The following SMARCA2 variants were observed in gnomAD, a reference collection of about 807,000 sequenced individuals.
The protein encoded by SMARCA2 is SWI/SNF related BAF chromatin remodeling complex subunit ATPase 2.
A neutral mutation model predicts 199.8 loss-of-function variants in SMARCA2; 61 were observed. That is an observed-to-expected ratio of 0.31 (90% confidence interval 0.25 to 0.38). SMARCA2 has a LOEUF of 0.38. SMARCA2 is among the 10% of genes least tolerant of loss of function. The pLI is 1.00. For synonymous variants in SMARCA2, 935 were observed against 732.0 expected (o/e 1.28, Z -4.48); for missense variants, 1,344 against 2,012.2 (o/e 0.67, Z 6.35).
chr9:2,097,109 C>A lies in SMARCA2; in HGVS notation c.2992-276C>A, dbSNP rs1170566666. On this transcript the variant is annotated intron_variant, in intron 20 of 33. Transcript: ENST00000349721. ...TTCTGTGCTTCTGTGTTCCGGAGTC[C>A]TACGGAATAGACAGTCATGTCGCAA... is the stretch of plus-strand genomic sequence containing the variant. 11 of 487,156 alleles carry A rather than the reference C, an allele frequency of 2.3e-5. No individual in the cohort carries two copies. In the East Asian group the frequency reaches 3.4e-4, roughly 15 times the overall value. 30.2% of individuals were successfully genotyped at this position (487,156 alleles called of 1,614,324 possible).
chr9:2,103,163 C>T (rs1822601996), intron 22 of SMARCA2, among the ~76,000 whole-genome samples: 1 of 152,044 alleles, frequency 6.6e-6, no homozygotes, highest in African/African-American at 2.4e-5. Flanking sequence ...CACTCTAAAC[C>T]AGTGGTTGGC....
chr9:2,186,921 C>G (rs1459207687), intron 32 of SMARCA2, among the ~76,000 whole-genome samples: 1 of 152,212 alleles, frequency 6.6e-6, no homozygotes, highest in African/African-American at 2.4e-5. Flanking sequence ...TTCTTTACCA[C>G]GGTGGTTCTC....
chr9:2,176,886 C>G (rs1211880466), intron 29 of SMARCA2, among the ~76,000 whole-genome samples: 1 of 152,116 alleles, frequency 6.6e-6, no homozygotes, highest in Non-Finnish European at 1.5e-5. Context: ...GCTACTGATT[C>G]CATGACCCAA....
intron 4 of SMARCA2, chr9:2,040,169 G>GA: frequency 2.9e-6 from 2 of 678,880 alleles, no homozygotes; most frequent in Non-Finnish European, 4.8e-6. Context: ...CGTTCTCTTT[G>GA]AAGCGGTTCA....
chr9:2,109,181 A>C (rs1234623696), intron 23 of SMARCA2, among the ~76,000 whole-genome samples: 3 of 152,352 alleles, frequency 2.0e-5, no homozygotes, highest in African/African-American at 7.2e-5. Context: ...CATCCTTAAA[A>C]AATGAACAGC....
At chr9:2,062,100 A>AG (rs1820619653) in intron 9 of SMARCA2, among the ~76,000 whole-genome samples, 2 of 152,196 alleles carry the variant, frequency 1.3e-5, no homozygotes, top group African/African-American at 4.8e-5. Context: ...CATATACGTA[A>AG]GGGGGGAGGG....
chr9:2,160,725 G>C (rs73393341), intron 27 of SMARCA2: 14,373 of 521,082 alleles, frequency 0.028, 282 homozygotes, highest in African/African-American at 0.058. Context: ...AACAACATTA[G>C]TTATTTTGTG....
At chr9:2,182,808 T>TC (rs1395299997) in intron 31 of SMARCA2, among the ~76,000 whole-genome samples, 2 of 148,608 alleles carry the variant, frequency 1.3e-5, no homozygotes, top group Admixed American at 1.3e-4. Flanking sequence ...AAGCATATAT[T>TC]TTTTTTTCGA....
Position 2,056,266 on chromosome 9 carries a change from A to T in SMARCA2, c.1174-406A>T, listed in dbSNP as rs549592700. On this transcript the variant is annotated intron_variant, in intron 6 of 33. Coordinates refer to ENST00000349721, the MANE Select transcript of SMARCA2 (RefSeq NM_003070.5). The surrounding 1 kb of genome is among the most constrained non-coding windows in gnomAD (Gnocchi z 4.0). ...AATTCTTTTATTCTTTTTTTGGAGC[A>T]TCATTAAAATTAATCTTTAAACACA... Among the ~76,000 whole-genome samples, 1 of 152,346 alleles carries T rather than the reference A, an allele frequency of 6.6e-6. No homozygotes were observed. The highest frequency in any genetic ancestry group is 1.9e-4 in the East Asian group (1 of 5,184).
intron 18 of SMARCA2, among the ~76,000 whole-genome samples, 174 bp from the exon 19 acceptor site, chr9:2,088,326 C>G (rs1439608380): frequency 6.6e-6 from 1 of 152,290 alleles, no homozygotes; most frequent in Non-Finnish European, 1.5e-5. Context: ...TTTGTTACCA[C>G]TTGGTAGGCA....
chr9:2,081,511 A>G (rs908761814), intron 14 of SMARCA2, among the ~76,000 whole-genome samples: 7 of 152,088 alleles, frequency 4.6e-5, no homozygotes, highest in Non-Finnish European at 8.8e-5. Context: ...GAGTGGTTGG[A>G]TTAGATTTTG....
rs541912234 is a variant in SMARCA2 at position 2,116,825 on chromosome 9, C to T, written c.3684+776C>T. 3.3e-5 allele frequency among the ~76,000 whole-genome samples: 5 copies of T among 152,330 alleles called. No homozygotes were observed. The East Asian group carries it at 9.6e-4, about 29-fold the overall frequency. On this transcript the variant is annotated intron_variant, in intron 25 of 33. Coordinates refer to ENST00000349721, the MANE Select transcript of SMARCA2 (RefSeq NM_003070.5). ...ATCAGCAGAAGTCCTTATCATAAAACTGGCTGAACATATTTTTTGTGTGTG... is the reference window on the plus strand; with the variant it reads ...ATCAGCAGAAGTCCTTATCATAAAATTGGCTGAACATATTTTTTGTGTGTG...
At chr9:2,155,770 T>A (rs1318952004) in intron 27 of SMARCA2, among the ~76,000 whole-genome samples, 1 of 116,732 alleles carries the variant, frequency 8.6e-6, no homozygotes, top group African/African-American at 3.3e-5. Flanking sequence ...AAAAGTGATC[T>A]GAAGTTATTG....
At chr9:2,025,865 C>G (rs1242947322) in intron 1 of SMARCA2, among the ~76,000 whole-genome samples, 3 of 152,098 alleles carry the variant, frequency 2.0e-5, no homozygotes, top group Non-Finnish European at 4.4e-5. Flanking sequence ...GAGAGTCCTC[C>G]CCTTGGGTTT....
intron 27 of SMARCA2, among the ~76,000 whole-genome samples, chr9:2,138,195 C>A (rs990118330): frequency 3.3e-5 from 5 of 150,364 alleles, no homozygotes; most frequent in Non-Finnish European, 7.4e-5. Flanking sequence ...AAAAAAAAAA[C>A]AGATAAATAC....
chr9:2,051,998 C>T (rs1402899425), intron 5 of SMARCA2, among the ~76,000 whole-genome samples: 1 of 152,056 alleles, frequency 6.6e-6, no homozygotes, highest in African/African-American at 2.4e-5. Context: ...AATTAAAAAC[C>T]ACGGTAATAA....
intron 24 of SMARCA2, among the ~76,000 whole-genome samples, chr9:2,111,049 T>TTTG (rs1230553167): frequency 6.6e-6 from 1 of 151,890 alleles, no homozygotes; most frequent in African/African-American, 2.4e-5. Flanking sequence ...ATGTTTTGTT[T>TTTG]TTTTTTTTTT....
At chr9:2,171,341 G>T (rs1390871917) in intron 29 of SMARCA2, among the ~76,000 whole-genome samples, 5 of 152,130 alleles carry the variant, frequency 3.3e-5, no homozygotes, top group African/African-American at 1.2e-4. Flanking sequence ...ACCAGCATAG[G>T]ATCCAATCTA....
Position 2,056,524 on chromosome 9 carries a change from C to A in SMARCA2, c.1174-148C>A. ...CATACATTTGGCATGATTTTAGTTC[C>A]TTCATTTAATACAAACCAAAGGTGA... is the stretch of plus-strand genomic sequence containing the variant. On this transcript the variant is annotated intron_variant, in intron 6 of 33. Coordinates refer to ENST00000349721, the MANE Select transcript of SMARCA2 (RefSeq NM_003070.5). This position sits in a 1 kb window ranked among gnomAD's most constrained non-coding sequence, Gnocchi z 4.0. The A allele has an allele frequency of 1.6e-6, 1 of 608,532 alleles. No individual in the cohort carries two copies. The highest frequency in any genetic ancestry group is 2.7e-6 in the Non-Finnish European group (1 of 367,824). The allele number at this position is 608,532 out of a possible 1,614,324, so 37.7% of individuals were successfully genotyped here. A position where few individuals can be genotyped will look rare whatever the true frequency, so the allele number is the denominator to read the frequency against.
Sources: gnomAD v4.1 joint callset for allele counts (sites outside exome capture counted in the v4.1 genomes callset) on GRCh38, gnomAD v4.1.1 for gene constraint, Gnocchi (gnomAD v3.1) non-coding constraint, MANE v1.5 for transcripts, NCBI Gene and HGNC (gene_info 2026-07-23, HGNC 2026-07-21) for gene names.